Variants in UBE2E2 observed in about 807,000 individuals in gnomAD.
UBE2E2 encodes the protein ubiquitin-conjugating enzyme E2 E2.
In UBE2E2, 6 loss-of-function variants were observed where a neutral mutation model predicts 24.7. The observed-to-expected ratio is 0.24, with a 90% CI of 0.13 to 0.48. UBE2E2 has a LOEUF of 0.48. Among genes scored for constraint, UBE2E2 ranks in the 20% least tolerant of loss-of-function variants. The pLI is 0.99. For missense variants in UBE2E2, 169 were observed against 245.0 expected (o/e 0.69, Z 2.07); for synonymous variants, 104 against 83.6 (o/e 1.24, Z -1.33).
At chr3:23,389,884 G>C (rs1426836038) in intron 3 of UBE2E2, 2 of 158,856 alleles carry the variant, frequency 1.3e-5, no homozygotes, top group African/African-American at 4.8e-5. Flanking sequence ...TTCAACACCT[G>C]CAGGTGCCTG....
At chr3:23,572,615 T>C (rs1696253634) in intron 5 of UBE2E2, among the ~76,000 whole-genome samples, 1 of 152,170 alleles carries the variant, frequency 6.6e-6, no homozygotes, top group African/African-American at 2.4e-5. Flanking sequence ...AACTCCCACT[T>C]ATAAGTGAGA....
rs1316504174 is a variant in UBE2E2 at position 23,400,155 on chromosome 3, A to T, written c.228-99453A>T. On this transcript the variant is annotated intron_variant, in intron 3 of 5. Coordinates refer to ENST00000396703, the MANE Select transcript of UBE2E2 (RefSeq NM_152653.4). ...ACTCCATTAATGTAGTTTCACAGGGATTCTTAGCTTATAGCTTACAAAATA... is the reference window on the plus strand; with the variant it reads ...ACTCCATTAATGTAGTTTCACAGGGTTTCTTAGCTTATAGCTTACAAAATA... Among the ~76,000 whole-genome samples the T allele has an allele frequency of 2.0e-5, 3 of 152,172 alleles. No homozygotes were observed. In the South Asian group the frequency reaches 6.2e-4, roughly 32 times the overall value.
At chr3:23,410,229 G>A (rs1697465622) in intron 3 of UBE2E2, among the ~76,000 whole-genome samples, 1 of 152,114 alleles carries the variant, frequency 6.6e-6, no homozygotes, top group African/African-American at 2.4e-5. Context: ...AATATAATGG[G>A]AACTCTTGTT....
At chr3:23,405,804 G>A (rs1697342537) in intron 3 of UBE2E2, among the ~76,000 whole-genome samples, 2 of 152,092 alleles carry the variant, frequency 1.3e-5, no homozygotes, top group South Asian at 4.2e-4. Flanking sequence ...TTTATTTTAA[G>A]GCATTCCCAA....
At chr3:23,353,138 A>G (rs544432248) in intron 3 of UBE2E2, among the ~76,000 whole-genome samples, 32 of 152,360 alleles carry the variant, frequency 2.1e-4, no homozygotes, top group Non-Finnish European at 4.6e-4. Flanking sequence ...AAAAACCACC[A>G]TGATTATCTC....
At chr3:23,555,336 C>T (rs1026317757) in intron 5 of UBE2E2, among the ~76,000 whole-genome samples, 12 of 152,166 alleles carry the variant, frequency 7.9e-5, no homozygotes, top group Non-Finnish European at 1.6e-4. Flanking sequence ...GATATCACCT[C>T]GCACCTATTA....
chr3:23,307,178 C>T (rs560418791), intron 3 of UBE2E2, among the ~76,000 whole-genome samples: 1 of 152,184 alleles, frequency 6.6e-6, no homozygotes. Context: ...TTTGTCTTTC[C>T]ATGTGTCTTT....
intron 3 of UBE2E2, among the ~76,000 whole-genome samples, chr3:23,230,352 G>A (rs1696940424): frequency 6.6e-6 from 1 of 152,138 alleles, no homozygotes; most frequent in African/African-American, 2.4e-5. Context: ...GCAAAACCAG[G>A]ACTAGTATTC....
At chr3:23,350,226 A>C (rs1360305062) in intron 3 of UBE2E2, among the ~76,000 whole-genome samples, 1 of 152,092 alleles carries the variant, frequency 6.6e-6, no homozygotes, top group Non-Finnish European at 1.5e-5. Flanking sequence ...CACACCAAAA[A>C]CCCATCTGTA....
intron 3 of UBE2E2, among the ~76,000 whole-genome samples, chr3:23,230,986 T>C (rs1696960963): frequency 1.3e-5 from 2 of 152,220 alleles, no homozygotes; most frequent in South Asian, 4.2e-4. Context: ...AGCCTTCATC[T>C]TCAGCCAGGG....
At chr3:23,297,767 G>C (rs1476553675) in intron 3 of UBE2E2, among the ~76,000 whole-genome samples, 1 of 152,032 alleles carries the variant, frequency 6.6e-6, no homozygotes, top group Non-Finnish European at 1.5e-5. Context: ...CTTGGTGATG[G>C]GGGCTCTTTT....
rs1698476921 is a variant in UBE2E2 at position 23,280,882 on chromosome 3, T to C, written c.227+63570T>C. Among the ~76,000 whole-genome samples, 1 of 152,216 alleles carries C rather than the reference T, an allele frequency of 6.6e-6. No individual in the cohort carries two copies. Among genetic ancestry groups the C allele is most frequent in the African/African-American group, 2.4e-5 (1 of 41,454 alleles). On this transcript the variant is annotated intron_variant, in intron 3 of 5. Transcript: ENST00000396703. This position sits in a 1 kb window ranked among gnomAD's most constrained non-coding sequence, Gnocchi z 4.3. ...TGTAACAGAATAAGTCTGGGTGGCTTAAACAGCATTTATTTCTCACAACTC... is the reference window on the plus strand; with the variant it reads ...TGTAACAGAATAAGTCTGGGTGGCTCAAACAGCATTTATTTCTCACAACTC...
chr3:23,445,650 C>T (rs1698411335), intron 3 of UBE2E2, among the ~76,000 whole-genome samples: 2 of 152,160 alleles, frequency 1.3e-5, no homozygotes, highest in Non-Finnish European at 2.9e-5. Context: ...AGGAGAAAGG[C>T]GTTAGTGATG....
At chr3:23,400,607 AACACACAC>A (rs3087043) in intron 3 of UBE2E2, among the ~76,000 whole-genome samples, 14 of 137,836 alleles carry the variant, frequency 1.0e-4, no homozygotes, top group Non-Finnish European at 1.5e-4. Context: ...GAATAAATGA[AACACACAC>A]ACACACACAC....
intron 3 of UBE2E2, among the ~76,000 whole-genome samples, chr3:23,393,199 C>T (rs780952437): frequency 6.6e-6 from 1 of 152,030 alleles, no homozygotes; most frequent in Non-Finnish European, 1.5e-5. Context: ...GTGGATAAAT[C>T]AAATTATATT....
chr3:23,355,986 A>T (rs1331930074), intron 3 of UBE2E2, among the ~76,000 whole-genome samples: 2 of 152,216 alleles, frequency 1.3e-5, no homozygotes, highest in Non-Finnish European at 2.9e-5. Context: ...CTATCAACTG[A>T]TTGAATTGAT....
In UBE2E2 at chr3:23,290,261, T is replaced by C. The variant is rs777837850; in HGVS notation, c.227+72949T>C. Reference sequence around the variant, plus strand: ...CAGTAAAGCAAGTGAGGGGGCACTTTATTAGTTTGTGGACCATTCTTGAAG... The same window carrying C: ...CAGTAAAGCAAGTGAGGGGGCACTTCATTAGTTTGTGGACCATTCTTGAAG... On this transcript the variant is annotated intron_variant, in intron 3 of 5. Transcript: ENST00000396703. Among the ~76,000 whole-genome samples the C allele has an allele frequency of 2.2e-4, 33 of 152,314 alleles. No individual in the cohort carries two copies. The Middle Eastern group carries it at 0.014, about 63-fold the overall frequency.
At chr3:23,391,068 C>G (rs542085300) in intron 3 of UBE2E2, among the ~76,000 whole-genome samples, 1 of 152,172 alleles carries the variant, frequency 6.6e-6, no homozygotes, top group African/African-American at 2.4e-5. Flanking sequence ...AACATTTAAT[C>G]CTTAAAATAA....
intron 3 of UBE2E2, among the ~76,000 whole-genome samples, chr3:23,230,058 G>A (rs894974381): frequency 1.3e-5 from 2 of 152,012 alleles, no homozygotes; most frequent in Admixed American, 6.6e-5. Flanking sequence ...TACATACTAC[G>A]TAACTACTTG....
Sources: allele counts gnomAD v4.1 joint callset (sites outside exome capture counted in the v4.1 genomes callset), GRCh38; gene constraint gnomAD v4.1.1; non-coding constraint Gnocchi (gnomAD v3.1); transcripts MANE v1.5; gene names NCBI Gene and HGNC (gene_info 2026-07-23, HGNC 2026-07-21).